The following ELMOD1 variants were observed in gnomAD, a reference collection of about 807,000 sequenced individuals.
The protein encoded by ELMOD1 is ELMO domain-containing protein 1.
Under a neutral mutation model 46.7 loss-of-function variants are expected in ELMOD1, and 21 were observed. That is an observed-to-expected ratio of 0.45 (90% CI 0.32 to 0.65). The LOEUF (loss-of-function observed/expected upper bound fraction) is 0.65, where lower values mean the gene tolerates loss of function less well. Among genes scored for constraint, ELMOD1 ranks in the 30% least tolerant of loss-of-function variants. ELMOD1 has a pLI of 0.04. For missense variants in ELMOD1, 348 were observed against 407.8 expected (o/e 0.85, Z 1.26); for synonymous variants, 122 against 138.2 (o/e 0.88, Z 0.82).
rs541026456 is a variant in ELMOD1, at chr11:107,634,575, A to G, written c.291-1061A>G. ...CCACACATGGCAAAACTCCATCTCT[A>G]TTAAAAAATATAAAAATTAACTAGA... On this transcript the variant is annotated intron_variant, in intron 5 of 11. Coordinates refer to ENST00000265840, the MANE Select transcript of ELMOD1 (RefSeq NM_018712.4). 2.0e-3 allele frequency among the ~76,000 whole-genome samples: 306 copies of G among 152,184 alleles called. 1 individual carries two copies. Among genetic ancestry groups the G allele is most frequent in the Non-Finnish European group, 3.1e-3 (213 of 68,006 alleles).
chr11:107,616,997 T>C (rs1226695067), intron 1 of ELMOD1, among the ~76,000 whole-genome samples: 2 of 152,256 alleles, frequency 1.3e-5, no homozygotes, highest in African/African-American at 2.4e-5. Context: ...GGATAATATA[T>C]GTTCCCACCA....
chr11:107,660,061 G>A (rs115700516), intron 11 of ELMOD1, among the ~76,000 whole-genome samples: 6,168 of 152,122 alleles, frequency 0.041, 344 homozygotes, highest in African/African-American at 0.14. Context: ...TAGGCAGAGG[G>A]GCTCAGGCCT....
At position 107,665,023 on chromosome 11, in the gene ELMOD1, A is replaced by G. The variant is rs2135722901; in HGVS notation, c.833-2A>G. The G allele has an allele frequency of 6.2e-7, 1 of 1,611,886 alleles. No individual in the cohort carries two copies. The highest frequency in any genetic ancestry group is 1.1e-5 in the South Asian group (1 of 90,750). Reference sequence around the variant, plus strand: ...TTCTTATCATTGTATTGTCTCCAACAGGCTATTTGATGCATGAATTTCATA... The same window carrying G: ...TTCTTATCATTGTATTGTCTCCAACGGGCTATTTGATGCATGAATTTCATA... On this transcript the variant is annotated splice_acceptor_variant, in intron 11 of 11. Coordinates refer to ENST00000265840, the MANE Select transcript of ELMOD1 (RefSeq NM_018712.4). LOFTEE classifies it high-confidence loss of function.
At chr11:107,641,317 G>A (rs1301552431) in intron 6 of ELMOD1, among the ~76,000 whole-genome samples, 1 of 149,570 alleles carries the variant, frequency 6.7e-6, no homozygotes, top group African/African-American at 2.5e-5. Flanking sequence ...AAAAAAATAA[G>A]TATATATATA....
rs2135724341 is a variant in ELMOD1 at position 107,666,402 on chromosome 11, G to A, written c.*1205G>A. The A allele has an allele frequency of 6.6e-6, 1 of 152,358 alleles. No homozygotes were observed. Among genetic ancestry groups the A allele is most frequent in the Non-Finnish European group, 1.5e-5 (1 of 68,022 alleles). 9.4% of individuals were successfully genotyped at this position (152,358 alleles called of 1,614,324 possible). On this transcript the variant is annotated 3_prime_UTR_variant, in exon 12 of 12. Coordinates refer to ENST00000265840, the MANE Select transcript of ELMOD1 (RefSeq NM_018712.4). ...ACTAGTTTGTTTTCTATGTCAAGGG[G>A]CAATATTAAAAAACAATTTGCAAGA...
At chr11:107,633,178 G>A (rs186172587) in intron 5 of ELMOD1, among the ~76,000 whole-genome samples, 1 of 152,186 alleles carries the variant, frequency 6.6e-6, no homozygotes, top group Non-Finnish European at 1.5e-5. Flanking sequence ...TCAGATAAGG[G>A]TTACTCAACC....
chr11:107,603,991 AG>A (rs1865646999), intron 1 of ELMOD1, among the ~76,000 whole-genome samples: 1 of 152,220 alleles, frequency 6.6e-6, no homozygotes, highest in Non-Finnish European at 1.5e-5. Context: ...AGCCACAAAA[AG>A]GGCCTTTTAA....
chr11:107,643,017 T>C, intron 6 of ELMOD1: 1 of 235,496 alleles, frequency 4.2e-6, no homozygotes, highest in Non-Finnish European at 9.0e-6. Context: ...AATGTTTCGT[T>C]TTCATATTCA....
chr11:107,622,271 G>A (rs933568739), intron 2 of ELMOD1, among the ~76,000 whole-genome samples: 2 of 152,114 alleles, frequency 1.3e-5, no homozygotes, highest in Admixed American at 6.5e-5. Context: ...AGGCCAAGAA[G>A]GCATGACTGG....
rs574881738 is a variant in ELMOD1, at chr11:107,654,730, C to G, written c.698+508C>G. ...CTTGCAGTGAGTGGAGATGGCGCCACTGCACTCCAGCCTGGGCGACAAAGC... is the reference window on the plus strand; with the variant it reads ...CTTGCAGTGAGTGGAGATGGCGCCAGTGCACTCCAGCCTGGGCGACAAAGC... On this transcript the variant is annotated intron_variant, in intron 10 of 11. Coordinates refer to ENST00000265840, the MANE Select transcript of ELMOD1 (RefSeq NM_018712.4). Among the ~76,000 whole-genome samples, 11 of 144,238 alleles carry G rather than the reference C, an allele frequency of 7.6e-5. No individual in the cohort carries two copies. In the East Asian group the frequency reaches 2.0e-3, roughly 27 times the overall value. The allele number at this position is 144,238 out of a possible 152,430, so 94.6% of individuals were successfully genotyped here.
Position 107,665,178 on chromosome 11 carries a change from A to G in ELMOD1, c.986A>G (p.Glu329Gly), listed in dbSNP as rs1002654528. 1 of 1,613,978 alleles carries G rather than the reference A, an allele frequency of 6.2e-7. No homozygotes were observed. Among genetic ancestry groups the G allele is most frequent in the Non-Finnish European group, 8.5e-7 (1 of 1,179,870 alleles). Reference sequence around the variant, plus strand: ...CTGTGCCCACATTTTGCTGCCTCGGAAGGTTTAATCAACATGTAGTTGCCC... The same window carrying G: ...CTGTGCCCACATTTTGCTGCCTCGGGAGGTTTAATCAACATGTAGTTGCCC... ...MALCPHFAAS[E>G]GLINM Residue 329 changes from glutamate (E) to glycine (G), a missense_variant, in exon 12 of 12, where the codon GAA (glutamate) becomes GGA (glycine). Coordinates refer to ENST00000265840, the MANE Select transcript of ELMOD1 (RefSeq NM_018712.4).
At chr11:107,591,758 A>G in intron 1 of ELMOD1, 1 of 447,018 alleles carries the variant, frequency 2.2e-6, no homozygotes, top group South Asian at 1.6e-5. Context: ...CAGAGCCAAA[A>G]TGGAAGGCGG....
chr11:107,659,985 A>G (rs1020050762), intron 11 of ELMOD1, among the ~76,000 whole-genome samples: 1 of 152,178 alleles, frequency 6.6e-6, no homozygotes, highest in African/African-American at 2.4e-5. Flanking sequence ...ATAGGATTAC[A>G]TATTTCCGAA....
At position 107,618,185 on chromosome 11, in the gene ELMOD1, G is replaced by T. The variant is rs1865892198; in HGVS notation, c.-5G>T. 6.4e-7 allele frequency: 1 copy of T among 1,566,366 alleles called. No individual in the cohort carries two copies. The highest frequency in any genetic ancestry group is 8.7e-7 in the Non-Finnish European group (1 of 1,154,560). ...TATAGCATCTGGACAGTCAACACGGGCACCATGAAGCACTTCCTGAGGTAT... is the reference window on the plus strand; with the variant it reads ...TATAGCATCTGGACAGTCAACACGGTCACCATGAAGCACTTCCTGAGGTAT... On this transcript the variant is annotated 5_prime_UTR_variant, in exon 2 of 12. Coordinates refer to ENST00000265840, the MANE Select transcript of ELMOD1 (RefSeq NM_018712.4).
chr11:107,639,587 C>G (rs1281370221), intron 6 of ELMOD1, among the ~76,000 whole-genome samples: 1 of 152,166 alleles, frequency 6.6e-6, no homozygotes, highest in African/African-American at 2.4e-5. Context: ...GATGAATCGC[C>G]TTCCCTTTCT....
intron 1 of ELMOD1, among the ~76,000 whole-genome samples, chr11:107,604,719 T>C (rs894241892): frequency 1.3e-5 from 2 of 152,234 alleles, no homozygotes; most frequent in African/African-American, 4.8e-5. Flanking sequence ...CATGCATAAT[T>C]ATAGCTCTAA....
chr11:107,630,868 A>T, intron 4 of ELMOD1, 140 bp downstream of exon 4: 1 of 844,394 alleles, frequency 1.2e-6, no homozygotes, highest in Non-Finnish European at 1.8e-6. Context: ...TCATTTGCCC[A>T]TTACAAACCA....
chr11:107,640,884 C>A (rs1290534430), intron 6 of ELMOD1, among the ~76,000 whole-genome samples: 3 of 152,172 alleles, frequency 2.0e-5, no homozygotes, highest in Non-Finnish European at 4.4e-5. Context: ...TTCATCAACA[C>A]CCTTAAAACC....
At chr11:107,645,377 G>A (rs748159871) in intron 6 of ELMOD1, among the ~76,000 whole-genome samples, 2 of 152,052 alleles carry the variant, frequency 1.3e-5, no homozygotes, top group Non-Finnish European at 2.9e-5. Flanking sequence ...AGGCAGGAGT[G>A]CAGTAGTGCT....
Sources: gnomAD v4.1 joint callset for allele counts (sites outside exome capture counted in the v4.1 genomes callset) on GRCh38, gnomAD v4.1.1 for gene constraint, MANE v1.5 for transcripts, NCBI Gene and HGNC (gene_info 2026-07-23, HGNC 2026-07-21) for gene names.